Variants in ZNF443 observed in about 807,000 individuals in gnomAD.
ZNF443 encodes Kruppel-type zinc finger (C2H2).
A neutral mutation model predicts 12.0 loss-of-function variants in ZNF443; 3 were observed. That is an observed-to-expected ratio of 0.25 (90% CI 0.11 to 0.64). The LOEUF is 0.64. ZNF443 is among the 30% of genes least tolerant of loss of function. The pLI is 0.84. For missense variants in ZNF443, 770 were observed against 808.8 expected, an observed-to-expected ratio of 0.95 and a Z score of 0.58; for synonymous variants, 225 against 265.9, an observed-to-expected ratio of 0.85 and a Z score of 1.50.
chr19:12,438,896 A>G (rs898145795), intron 1 of ZNF443, among the ~76,000 whole-genome samples: 3 of 152,216 alleles, frequency 2.0e-5, no homozygotes, highest in African/African-American at 7.2e-5. Flanking sequence ...AACAATCTCT[A>G]ATCATAGGAT....
rs1429039980 is a variant in ZNF443 at position 12,430,338 on chromosome 19, C to T, written c.1834G>A (p.Gly612Arg). The change falls in exon 4 of 4, where the codon GGA (glycine) becomes AGA (arginine). Residue 612 changes from glycine to arginine, a missense_variant. Physicochemically the swap from Gly to Arg is moderately radical, Grantham distance 125. This residue lies in a region of ZNF443 where 736 missense variants were observed against 689.4 expected (regional missense o/e 1.07). Coordinates refer to ENST00000301547, the MANE Select transcript of ZNF443 (RefSeq NM_005815.5). Reference protein sequence around the residue: ...FLQGHEKTHTGENPYECKECG... With the variant: ...FLQGHEKTHTRENPYECKECG... Reference sequence around the variant, plus strand: ...TCCTTACATTCATACGGGTTCTCTCCAGTATGAGTTTTTTCATGTCCTTGA... The same window carrying T: ...TCCTTACATTCATACGGGTTCTCTCTAGTATGAGTTTTTTCATGTCCTTGA... The T allele has an allele frequency of 8.1e-6, 13 of 1,613,626 alleles. No homozygotes were observed. The highest frequency in any genetic ancestry group is 2.7e-5 in the African/African-American group (2 of 74,856).
intron 1 of ZNF443, among the ~76,000 whole-genome samples, chr19:12,437,870 T>C (rs1456247089): frequency 2.0e-5 from 3 of 151,744 alleles, no homozygotes; most frequent in Admixed American, 1.3e-4. Flanking sequence ...AGCTGGTGGA[T>C]TGCCCGAGGT....
At chr19:12,432,080 G>C in intron 3 of ZNF443, 100 bp from the exon 4 acceptor site, 1 of 1,002,336 alleles carries the variant, frequency 1.0e-6, no homozygotes, top group South Asian at 2.0e-5. Flanking sequence ...ATCATGCGAA[G>C]TGCAGGCTTC....
intron 3 of ZNF443, 164 bp downstream of exon 3, chr19:12,432,213 C>A: frequency 1.5e-6 from 1 of 657,766 alleles, no homozygotes; most frequent in South Asian, 2.0e-5. Flanking sequence ...AATTTATGAA[C>A]ACTGAACAGC....
At chr19:12,440,096 C>T (rs1970349575) in intron 1 of ZNF443, among the ~76,000 whole-genome samples, 1 of 152,054 alleles carries the variant, frequency 6.6e-6, no homozygotes, top group South Asian at 2.1e-4. Context: ...ACAGCTCCTC[C>T]CACACACAAA....
At chr19:12,439,167 T>C (rs1413421061) in intron 1 of ZNF443, among the ~76,000 whole-genome samples, 4 of 152,166 alleles carry the variant, frequency 2.6e-5, no homozygotes, top group South Asian at 2.1e-4. Context: ...GGTTCTCCAG[T>C]CCTTAGATAT....
intron 1 of ZNF443, among the ~76,000 whole-genome samples, chr19:12,437,249 A>T (rs1018186467): frequency 1.3e-4 from 9 of 68,588 alleles, no homozygotes; most frequent in African/African-American, 6.0e-4. Flanking sequence ...TTAAATAAAT[A>T]AAAAAAAAAT....
Position 12,431,338 on chromosome 19 carries a change from C to T in ZNF443, c.834G>A (p.Glu278=), listed in dbSNP as rs1272675253. 1 of 1,614,036 alleles carries T rather than the reference C, an allele frequency of 6.2e-7. No individual in the cohort carries two copies. Among genetic ancestry groups the T allele is most frequent in the South Asian group, 1.1e-5 (1 of 91,072 alleles). The stretch of plus-strand genomic sequence containing the variant: ...AACACTGCTTACATTTATATGGTTT[C>T]TCCCCAGTATGTGTTCTTTCATGTC... The part of the protein sequence containing the change: ...YLRHERTHTG[E]KPYKCKQCSK... The change falls in exon 4 of 4, where the codon GAG becomes GAA. Residue 278 remains glutamate, a synonymous_variant. Transcript: ENST00000301547.
chr19:12,435,148 G>C (rs1970296216), intron 1 of ZNF443, among the ~76,000 whole-genome samples: 2 of 152,084 alleles, frequency 1.3e-5, no homozygotes, highest in East Asian at 3.9e-4. Context: ...TGGCTAATTT[G>C]TATTTTTACT....
chr19:12,431,559 C>A lies in ZNF443; in HGVS notation c.613G>T (p.Ala205Ser). The A allele has an allele frequency of 6.2e-7, 1 of 1,614,146 alleles. No homozygotes were observed. The highest frequency in any genetic ancestry group is 2.2e-5 in the East Asian group (1 of 44,886). ...GPYKCKLCGK[A>S]FFWPSLLHMH... ...TGTAATAAACTGGGCCAAAAAAACGCTTTCCCACACAACTTACATTTATAA... is the reference window on the plus strand; with the variant it reads ...TGTAATAAACTGGGCCAAAAAAACGATTTCCCACACAACTTACATTTATAA... The change falls in exon 4 of 4, where the codon GCG (alanine) becomes TCG (serine). Residue 205 changes from alanine (A) to serine (S), a missense_variant. Physicochemically the swap from Ala to Ser is moderately conservative, Grantham distance 99. This residue lies in a region of ZNF443 where 736 missense variants were observed against 689.4 expected (regional missense o/e 1.07). Coordinates refer to ENST00000301547, the MANE Select transcript of ZNF443 (RefSeq NM_005815.5).
rs562793664 is a variant in ZNF443 at position 12,432,290 on chromosome 19, G to A, written c.191+87C>T. On this transcript the variant is annotated intron_variant, in intron 3 of 3. Coordinates refer to ENST00000301547, the MANE Select transcript of ZNF443 (RefSeq NM_005815.5). ...GAATAAATAAATTTAAGCTAGCCTTGTTCATTTTCTTTGCTTCTTTTTAAA... is the reference window on the plus strand; with the variant it reads ...GAATAAATAAATTTAAGCTAGCCTTATTCATTTTCTTTGCTTCTTTTTAAA... The A allele has an allele frequency of 1.2e-5, 15 of 1,206,892 alleles. 1 individual carries two copies. The South Asian group carries it at 1.8e-4, about 15-fold the overall frequency. 74.8% of individuals were successfully genotyped at this position (1,206,892 alleles called of 1,614,324 possible). A position where few individuals can be genotyped will look rare whatever the true frequency, so the allele number is the denominator to read the frequency against.
rs1970234003 is a variant in ZNF443, at chr19:12,430,242, T to C, written c.1930A>G (p.Thr644Ala). 6.2e-7 allele frequency: 1 copy of C among 1,613,510 alleles called. No individual in the cohort carries two copies. The highest frequency in any genetic ancestry group is 1.3e-5 in the African/African-American group (1 of 74,770). The part of the protein sequence containing the change: ...HKKTHWKKTH[T>A]GENPYECKEC... ...TTACATTCATATGGGTTCTCTCCAG[T>C]GTGAGTTTTTTTCCAGTGAGTCTTT... The change falls in exon 4 of 4, where the codon ACT becomes GCT. Residue 644 changes from threonine (T) to alanine (A), a missense_variant. Transcript: ENST00000301547.
chr19:12,440,100 A>G (rs144731465), intron 1 of ZNF443, among the ~76,000 whole-genome samples: 1,693 of 152,116 alleles, frequency 0.011, 37 homozygotes, highest in African/African-American at 0.039. Flanking sequence ...CTCCTCCCAC[A>G]CACAAACCCC....
rs564302229 is a variant in ZNF443, at chr19:12,431,267, G to T, written c.905C>A (p.Thr302Asn). The T allele has an allele frequency of 4.6e-5, 74 of 1,614,108 alleles. No individual in the cohort carries two copies. The South Asian group carries it at 7.8e-4, about 17-fold the overall frequency. ...DSSSCLIHER[T>N]HTGEKPYTCK... ...TGTATAGGGTTTCTCTCCAGTGTGA[G>T]TTCTTTCATGTATTAGACAAGAACT... The change falls in exon 4 of 4, where the codon ACT becomes AAT. Residue 302 changes from threonine to asparagine, a missense_variant. Coordinates refer to ENST00000301547, the MANE Select transcript of ZNF443 (RefSeq NM_005815.5).
chr19:12,429,859 T>C lies in ZNF443; in HGVS notation c.*297A>G, dbSNP rs1134427. On this transcript the variant is annotated 3_prime_UTR_variant, in exon 4 of 4. Transcript: ENST00000301547. ...AGAACAACTATTTGCATAGCTTTTA[T>C]AATGCATGAGGTATTTTAAGTAATC... is the stretch of plus-strand genomic sequence containing the variant. The C allele has an allele frequency of 2.8e-3, 1,384 of 499,414 alleles. 15 individuals are homozygous for C. Among genetic ancestry groups the C allele is most frequent in the African/African-American group, 0.023 (1,217 of 52,416 alleles). The allele number at this position is 499,414 out of a possible 1,614,324, so 30.9% of individuals were successfully genotyped here.
chr19:12,429,979 G>A lies in ZNF443; in HGVS notation c.*177C>T, dbSNP rs1266166945. 10 of 1,065,002 alleles carry A rather than the reference G, an allele frequency of 9.4e-6. No homozygotes were observed. The highest frequency in any genetic ancestry group is 2.6e-5 in the East Asian group (1 of 38,610). The allele number at this position is 1,065,002 out of a possible 1,614,324, so 66.0% of individuals were successfully genotyped here. Reference sequence around the variant, plus strand: ...ACTGGACATGGCTCACGGAGTGCTGGAACCAATACCCAGCAGGTATCAAGG... The same window carrying A: ...ACTGGACATGGCTCACGGAGTGCTGAAACCAATACCCAGCAGGTATCAAGG... On this transcript the variant is annotated 3_prime_UTR_variant, in exon 4 of 4. Coordinates refer to ENST00000301547, the MANE Select transcript of ZNF443 (RefSeq NM_005815.5).
In ZNF443 at chr19:12,431,350, T is replaced by G; in HGVS notation, c.822A>C (p.Thr274=). The G allele has an allele frequency of 2.5e-6, 4 of 1,613,970 alleles. No individual in the cohort carries two copies. Among genetic ancestry groups the G allele is most frequent in the Non-Finnish European group, 3.4e-6 (4 of 1,179,916 alleles). The stretch of plus-strand genomic sequence containing the variant: ...ATTTATATGGTTTCTCCCCAGTATG[T>G]GTTCTTTCATGTCTTAGATAGGAAC... The part of the protein sequence containing the change: ...FYSSYLRHER[T]HTGEKPYKCK... Residue 274 remains threonine (T), a synonymous_variant, in exon 4 of 4, where the codon ACA becomes ACC. Transcript: ENST00000301547.
chr19:12,435,019 C>A (rs143508347), intron 1 of ZNF443, among the ~76,000 whole-genome samples: 37 of 145,662 alleles, frequency 2.5e-4, no homozygotes, highest in African/African-American at 8.7e-4. Flanking sequence ...AGACACATCA[C>A]CCAGACTGGA....
intron 1 of ZNF443, among the ~76,000 whole-genome samples, chr19:12,437,442 A>G (rs1415281066): frequency 6.6e-6 from 1 of 151,304 alleles, no homozygotes; most frequent in African/African-American, 2.4e-5. Context: ...CAAAGAAACA[A>G]GTAGACTTAC....
Sources: allele counts gnomAD v4.1 joint callset (sites outside exome capture counted in the v4.1 genomes callset), GRCh38; gene constraint gnomAD v4.1.1; regional missense constraint gnomAD v4.1.1; transcripts MANE v1.5; gene names NCBI Gene and HGNC (gene_info 2026-07-23, HGNC 2026-07-21).